The following WDR59 variants were observed in gnomAD, a reference collection of about 807,000 sequenced individuals.
WDR59 encodes GATOR2 complex protein WDR59.
A neutral mutation model predicts 131.2 loss-of-function variants in WDR59; 100 were observed. The ratio of observed to expected loss-of-function variants is 0.76; its 90% CI spans 0.65 to 0.90. The LOEUF (loss-of-function observed/expected upper bound fraction) is 0.90, where lower values mean the gene tolerates loss of function less well. Ranked by LOEUF, WDR59 falls within the 40% of genes least tolerant of loss-of-function variation. The pLI, the probability that WDR59 is intolerant of heterozygous loss-of-function variation, is 0.00. For synonymous variants in WDR59, 601 were observed against 466.2 expected, an observed-to-expected ratio of 1.29 and a Z score of -3.72; for missense variants, 1,203 against 1,262.2, an observed-to-expected ratio of 0.95 and a Z score of 0.71.
At chr16:74,926,310 G>A (rs559096892) in intron 8 of WDR59, among the ~76,000 whole-genome samples, 7 of 152,080 alleles carry the variant, frequency 4.6e-5, no homozygotes, top group South Asian at 2.1e-4. Flanking sequence ...TGCCCACCTC[G>A]GCCTCCCAGA....
intron 8 of WDR59, among the ~76,000 whole-genome samples, chr16:74,929,129 C>T (rs187584809): frequency 6.6e-6 from 1 of 152,262 alleles, no homozygotes; most frequent in East Asian, 1.9e-4. Context: ...GGCTGGAGTG[C>T]AGTGGTACAA....
intron 22 of WDR59, 150 bp downstream of exon 22, chr16:74,888,019 G>A: frequency 1.9e-6 from 2 of 1,051,786 alleles, no homozygotes; most frequent in Non-Finnish European, 2.7e-6. Context: ...TCAGGAGGCT[G>A]AGGCACGAGA....
intron 1 of WDR59, among the ~76,000 whole-genome samples, chr16:74,972,589 G>A (rs981979796): frequency 4.0e-5 from 6 of 151,206 alleles, no homozygotes; most frequent in Non-Finnish European, 7.4e-5. Context: ...ATCTCAGCAC[G>A]ATGGGAGGCC....
chr16:74,942,718 CG>C lies in WDR59; in HGVS notation c.534+19del, dbSNP rs772643587. On this transcript the variant is annotated intron_variant, in intron 7 of 25. Coordinates refer to ENST00000262144, the MANE Select transcript of WDR59 (RefSeq NM_030581.4). ...GGGAGGGATCAAAGACCAATAAGGG[CG>C]AAAAAAGAGATTACTCACCCTCTTA... The C allele has an allele frequency of 6.2e-7, 1 of 1,611,448 alleles. No homozygotes were observed. The highest frequency in any genetic ancestry group is 1.1e-5 in the South Asian group (1 of 90,990).
At chr16:74,952,408 C>T (rs987613399) in intron 3 of WDR59, among the ~76,000 whole-genome samples, 34 of 141,888 alleles carry the variant, frequency 2.4e-4, no homozygotes, top group African/African-American at 8.3e-4. Flanking sequence ...TGCCACTGTA[C>T]TCCAGCCTGG....
intron 1 of WDR59, among the ~76,000 whole-genome samples, chr16:74,976,737 G>A (rs1023489260): frequency 5.3e-5 from 8 of 152,126 alleles, no homozygotes; most frequent in African/African-American, 9.7e-5. Flanking sequence ...GACCAAGCCC[G>A]GCCTAAACAT....
At chr16:74,909,782 A>C in intron 15 of WDR59, 40 bp downstream of exon 15, 4 of 1,593,134 alleles carry the variant, frequency 2.5e-6, no homozygotes, top group Non-Finnish European at 2.6e-6. Context: ...GAAACAAAAC[A>C]CCAAAGCCTA....
chr16:74,909,560 G>A lies in WDR59; in HGVS notation c.1583C>T (p.Ser528Leu). The A allele has an allele frequency of 5.0e-6, 8 of 1,610,378 alleles. No homozygotes were observed. Among genetic ancestry groups the A allele is most frequent in the Non-Finnish European group, 5.9e-6 (7 of 1,178,750 alleles). The change falls in exon 16 of 26, where the codon TCG becomes TTG. Residue 528 changes from serine (S) to leucine (L), a missense_variant. Transcript: ENST00000262144. ...TFARVTTAYGSYQDANIPFPR... is the reference protein window; with the variant it reads ...TFARVTTAYGLYQDANIPFPR... ...AAAGGGAATGTTGGCGTCCTGGTACGACCCGTAAGCCGTGGTCACCCGCGC... is the reference window on the plus strand; with the variant it reads ...AAAGGGAATGTTGGCGTCCTGGTACAACCCGTAAGCCGTGGTCACCCGCGC...
chr16:74,983,318 C>A (rs1308123803), intron 1 of WDR59, among the ~76,000 whole-genome samples: 1 of 151,344 alleles, frequency 6.6e-6, no homozygotes, highest in African/African-American at 2.4e-5. Flanking sequence ...ACAAAAAATA[C>A]AAAACTTAGC....
chr16:74,898,992 C>G (rs1965421431), intron 18 of WDR59, among the ~76,000 whole-genome samples: 1 of 152,116 alleles, frequency 6.6e-6, no homozygotes, highest in Admixed American at 6.5e-5. Context: ...ATTCTTTATA[C>G]CAAATGAAAT....
intron 1 of WDR59, among the ~76,000 whole-genome samples, chr16:74,980,260 C>T (rs1356754859): frequency 6.6e-6 from 1 of 151,856 alleles, no homozygotes; most frequent in Non-Finnish European, 1.5e-5. Context: ...ACAGTAATAG[C>T]CCAAAGCATT....
intron 17 of WDR59, among the ~76,000 whole-genome samples, chr16:74,908,446 GT>G (rs1965925975): frequency 6.6e-6 from 1 of 151,954 alleles, no homozygotes; most frequent in Non-Finnish European, 1.5e-5. Flanking sequence ...AAACTTCCAC[GT>G]TTGTGTTTTC....
chr16:74,952,921 C>T (rs748838988), intron 3 of WDR59, among the ~76,000 whole-genome samples: 2 of 151,908 alleles, frequency 1.3e-5, no homozygotes, highest in Non-Finnish European at 2.9e-5. Flanking sequence ...AAATAGCTTC[C>T]AAAGAGAATA....
At chr16:74,921,797 T>C (rs1285760990) in intron 10 of WDR59, 150 bp downstream of exon 10, 1 of 900,386 alleles carries the variant, frequency 1.1e-6, no homozygotes, top group African/African-American at 1.7e-5. Context: ...TTTACTCACC[T>C]ATGACGAAAG....
intron 8 of WDR59, among the ~76,000 whole-genome samples, chr16:74,927,132 A>T (rs2030895292): frequency 6.6e-6 from 1 of 152,230 alleles, no homozygotes; most frequent in Non-Finnish European, 1.5e-5. Flanking sequence ...ATCATTTCTG[A>T]GCAGAAGTGT....
intron 18 of WDR59, among the ~76,000 whole-genome samples, chr16:74,902,288 C>T (rs1412758958): frequency 6.6e-6 from 1 of 152,168 alleles, no homozygotes; most frequent in Non-Finnish European, 1.5e-5. Flanking sequence ...TCGAACCACC[C>T]ACTTTCTGTG....
In WDR59 at chr16:74,903,968, G is replaced by A. The variant is rs773135737; in HGVS notation, c.1845C>T (p.Ser615=). Residue 615 remains serine, a synonymous_variant, in exon 18 of 26, where the codon AGC becomes AGT. Transcript: ENST00000262144. ...TTACCCGCTCCTTGTAGTAGAAGGA[G>A]CTGATGGAGACCTGCTCTTTCTCGC... ...TRSEKEQVSI[S]SFYYKERKSR... 2 of 1,609,274 alleles carry A rather than the reference G, an allele frequency of 1.2e-6. No individual in the cohort carries two copies. Among genetic ancestry groups the A allele is most frequent in the Non-Finnish European group, 1.7e-6 (2 of 1,178,412 alleles).
intron 25 of WDR59, among the ~76,000 whole-genome samples, chr16:74,875,128 C>T (rs1261657177): frequency 1.3e-5 from 2 of 152,200 alleles, no homozygotes; most frequent in African/African-American, 4.8e-5. Flanking sequence ...CAGCAGAGGG[C>T]AGACTGGCTT....
Position 74,908,980 on chromosome 16 carries a change from A to T in WDR59, c.1643-3T>A, listed in dbSNP as rs1260468229. On this transcript the variant is annotated splice_region_variant and splice_polypyrimidine_tract_variant and intron_variant, in intron 16 of 25. Coordinates refer to ENST00000262144, the MANE Select transcript of WDR59 (RefSeq NM_030581.4). Reference sequence around the variant, plus strand: ...CCTTGTGAAATATACCAGGTAACCTAAAGGAGGAGACATCACATGAGCCAT... The same window carrying T: ...CCTTGTGAAATATACCAGGTAACCTTAAGGAGGAGACATCACATGAGCCAT... 9 of 1,613,196 alleles carry T rather than the reference A, an allele frequency of 5.6e-6. No individual in the cohort carries two copies. The highest frequency in any genetic ancestry group is 7.6e-6 in the Non-Finnish European group (9 of 1,179,738).
Sources: allele counts gnomAD v4.1 joint callset (sites outside exome capture counted in the v4.1 genomes callset), GRCh38; gene constraint gnomAD v4.1.1; transcripts MANE v1.5; gene names NCBI Gene and HGNC (gene_info 2026-07-23, HGNC 2026-07-21).